The following LHCGR variants were observed in gnomAD, a reference collection of about 807,000 sequenced individuals.
LHCGR encodes the protein luteinizing hormone/choriogonadotropin receptor.
A neutral mutation model predicts 60.7 loss-of-function variants in LHCGR; 55 were observed. That is an observed-to-expected ratio of 0.91 (90% CI 0.73 to 1.13). The LOEUF is 1.13. Among genes scored for constraint, LHCGR ranks in the 50% most tolerant of loss-of-function variants. LHCGR has a pLI of 0.00. For synonymous variants in LHCGR, 337 were observed against 316.5 expected, an observed-to-expected ratio of 1.06 and a Z score of -0.69; for missense variants, 862 against 836.0, an observed-to-expected ratio of 1.03 and a Z score of -0.38.
In LHCGR at chr2:48,755,603, T is replaced by A; in HGVS notation, c.69A>T (p.Arg23=). The A allele has an allele frequency of 6.5e-7, 1 of 1,534,920 alleles. No homozygotes were observed. Among genetic ancestry groups the A allele is most frequent in the Non-Finnish European group, 8.7e-7 (1 of 1,144,036 alleles). Residue 23 remains arginine (R), a synonymous_variant, in exon 1 of 11, where the codon CGA becomes CGT. Transcript: ENST00000294954. Reference sequence around the variant, plus strand: ...CAGGGCAGAGCGCCTCGCGCAGCGCTCGTGGCAGCGGCGGCTGCAGCAGCA... The same window carrying A: ...CAGGGCAGAGCGCCTCGCGCAGCGCACGTGGCAGCGGCGGCTGCAGCAGCA... ...LLLLLQPPLP[R]ALREALCPEP... is the part of the protein sequence containing the mutation.
intron 8 of LHCGR, among the ~76,000 whole-genome samples, chr2:48,708,348 G>A (rs1174814353): frequency 1.3e-5 from 2 of 152,110 alleles, no homozygotes; most frequent in Non-Finnish European, 2.9e-5. Context: ...CAGCACATGA[G>A]GCCACCCCTC....
intron 7 of LHCGR, among the ~76,000 whole-genome samples, chr2:48,711,003 C>G (rs559640821): frequency 3.7e-4 from 56 of 152,278 alleles, no homozygotes; most frequent in African/African-American, 1.3e-3. Context: ...TCCAGTCTCC[C>G]CCTTGCTAAA....
chr2:48,755,264 T>C (rs1670154511), intron 1 of LHCGR, among the ~76,000 whole-genome samples: 1 of 151,814 alleles, frequency 6.6e-6, no homozygotes, highest in Non-Finnish European at 1.5e-5. Context: ...ATAGTTCTAC[T>C]CCCCCGGCCA....
intron 8 of LHCGR, among the ~76,000 whole-genome samples, chr2:48,707,566 C>T (rs1355842875): frequency 2.0e-5 from 3 of 152,254 alleles, no homozygotes; most frequent in Non-Finnish European, 4.4e-5. Flanking sequence ...ACTGTGGCTG[C>T]TGCCTTTGTT....
chr2:48,733,643 A>T (rs1669099076), intron 1 of LHCGR, among the ~76,000 whole-genome samples: 1 of 152,038 alleles, frequency 6.6e-6, no homozygotes, highest in South Asian at 2.1e-4. Context: ...GGGCCAGGGA[A>T]TGGGGAGAGA....
chr2:48,729,300 ATG>A, intron 2 of LHCGR, 73 bp from the exon 3 acceptor site: 1 of 1,154,180 alleles, frequency 8.7e-7, no homozygotes, highest in Non-Finnish European at 1.3e-6. Flanking sequence ...ATTATGAGCT[ATG>A]TGTGTGACCC....
At chr2:48,740,805 G>T (rs1034858716) in intron 1 of LHCGR, among the ~76,000 whole-genome samples, 6 of 152,228 alleles carry the variant, frequency 3.9e-5, no homozygotes, top group African/African-American at 1.4e-4. Flanking sequence ...CCAAAGGAAC[G>T]CAGTTTCTCA....
chr2:48,721,621 C>G (rs979471083), intron 6 of LHCGR: 1 of 460,030 alleles, frequency 2.2e-6, no homozygotes, highest in Non-Finnish European at 4.5e-6. Context: ...CCAAGGATAC[C>G]AATTTTTAGA....
At chr2:48,747,396 G>A (rs1344061187) in intron 1 of LHCGR, among the ~76,000 whole-genome samples, 1 of 152,162 alleles carries the variant, frequency 6.6e-6, no homozygotes, top group African/African-American at 2.4e-5. Flanking sequence ...CTGAGAATGG[G>A]TTTGAAGTGC....
intron 7 of LHCGR, among the ~76,000 whole-genome samples, chr2:48,712,958 A>G (rs1668065074): frequency 1.3e-5 from 2 of 152,156 alleles, no homozygotes; most frequent in African/African-American, 4.8e-5. Flanking sequence ...TTGGTTACAT[A>G]TCTATAATTA....
intron 8 of LHCGR, among the ~76,000 whole-genome samples, chr2:48,707,155 G>A (rs1667725322): frequency 6.6e-6 from 1 of 152,240 alleles, no homozygotes; most frequent in African/African-American, 2.4e-5. Flanking sequence ...AGGCCCGTCA[G>A]CTGCAGGTCT....
At chr2:48,721,649 A>G in intron 6 of LHCGR, 1 of 469,118 alleles carries the variant, frequency 2.1e-6, no homozygotes, top group Non-Finnish European at 4.4e-6. Context: ...GATATAAAAG[A>G]GAGTCCTCTG....
intron 6 of LHCGR, among the ~76,000 whole-genome samples, chr2:48,721,992 A>G (rs1668518269): frequency 6.6e-6 from 1 of 152,182 alleles, no homozygotes; most frequent in South Asian, 2.1e-4. Flanking sequence ...TCTACTAAAA[A>G]TACAAAAATT....
chr2:48,724,209 C>T (rs1668624022), intron 4 of LHCGR, among the ~76,000 whole-genome samples: 1 of 152,172 alleles, frequency 6.6e-6, no homozygotes, highest in South Asian at 2.1e-4. Flanking sequence ...TTCTTCTTTG[C>T]ATCTCATTGA....
At chr2:48,721,951 A>G (rs966398431) in intron 6 of LHCGR, among the ~76,000 whole-genome samples, 2 of 152,180 alleles carry the variant, frequency 1.3e-5, no homozygotes, top group African/African-American at 4.8e-5. Context: ...AGAGATGGAG[A>G]CAATCCTGTC....
intron 8 of LHCGR, among the ~76,000 whole-genome samples, chr2:48,706,845 T>G (rs1667707776): frequency 6.6e-6 from 1 of 152,196 alleles, no homozygotes; most frequent in Non-Finnish European, 1.5e-5. Flanking sequence ...CATGCTCCTT[T>G]GGCTTGGAGA....
At chr2:48,727,688 GA>G (rs1278224667) in intron 3 of LHCGR, among the ~76,000 whole-genome samples, 1 of 152,200 alleles carries the variant, frequency 6.6e-6, no homozygotes, top group African/African-American at 2.4e-5. Context: ...GCTAAGTCCA[GA>G]CTATGTCTTT....
chr2:48,726,541 G>C (rs1056897373), intron 3 of LHCGR, among the ~76,000 whole-genome samples: 1 of 152,192 alleles, frequency 6.6e-6, no homozygotes, highest in Non-Finnish European at 1.5e-5. Context: ...ACAAAAAGTA[G>C]TCACCATTGC....
chr2:48,716,724 G>A (rs1668265557), intron 6 of LHCGR, among the ~76,000 whole-genome samples: 1 of 152,158 alleles, frequency 6.6e-6, no homozygotes, highest in African/African-American at 2.4e-5. Context: ...GTCTTTGGCA[G>A]TCTCCTGTCA....
Sources: gnomAD v4.1 joint callset for allele counts (sites outside exome capture counted in the v4.1 genomes callset) on GRCh38, gnomAD v4.1.1 for gene constraint, MANE v1.5 for transcripts, NCBI Gene and HGNC (gene_info 2026-07-23, HGNC 2026-07-21) for gene names.